Variants in IRAG2 observed in about 807,000 individuals in gnomAD.
IRAG2 encodes lymphoid restricted membrane protein.
Under a neutral mutation model 69.9 loss-of-function variants are expected in IRAG2, and 45 were observed. That is an observed-to-expected ratio of 0.64 (90% CI 0.51 to 0.83). The LOEUF is 0.83. Ranked by LOEUF, IRAG2 falls within the 40% of genes least tolerant of loss-of-function variation. The pLI is 0.00. For synonymous variants in IRAG2, 193 were observed against 202.4 expected (o/e 0.95, Z 0.40); for missense variants, 520 against 587.0 (o/e 0.89, Z 1.18).
chr12:25,092,536 G>A (rs1287280397), intron 14 of IRAG2, among the ~76,000 whole-genome samples: 6 of 139,454 alleles, frequency 4.3e-5, no homozygotes, highest in Non-Finnish European at 7.5e-5. Flanking sequence ...TTGCACTCCA[G>A]CCTGGGTGAC....
chr12:25,055,466 T>A (rs1202165429), intron 1 of IRAG2, among the ~76,000 whole-genome samples: 2 of 152,240 alleles, frequency 1.3e-5, no homozygotes, highest in Non-Finnish European at 2.9e-5. Flanking sequence ...AAAGGAAATT[T>A]TTTTTATTAT....
At chr12:25,026,666 T>C (rs1944624461) in intron 8 of IRAG2, 1 of 416,112 alleles carries the variant, frequency 2.4e-6, no homozygotes. Flanking sequence ...TGGCTGAGGT[T>C]GAATGGAAGA....
chr12:25,015,130 C>CA, intron 3 of IRAG2: 1 of 583,430 alleles, frequency 1.7e-6, no homozygotes, highest in East Asian at 7.1e-5. Flanking sequence ...CTTGGTCAGG[C>CA]AAAGAATCCT....
At chr12:25,056,145 G>A (rs949460981) in intron 1 of IRAG2, among the ~76,000 whole-genome samples, 2 of 152,180 alleles carry the variant, frequency 1.3e-5, no homozygotes, top group African/African-American at 4.8e-5. Context: ...TCTTAGCATG[G>A]AGGGCGGGAG....
intron 9 of IRAG2, among the ~76,000 whole-genome samples, chr12:25,027,646 G>C (rs541343573): frequency 6.6e-6 from 1 of 151,900 alleles, no homozygotes; most frequent in Non-Finnish European, 1.5e-5. Flanking sequence ...TGCCCACCTC[G>C]GCCTCCCAAA....
chr12:25,046,219 A>T (rs886633181), intron 16 of IRAG2, among the ~76,000 whole-genome samples: 22 of 152,280 alleles, frequency 1.4e-4, no homozygotes, highest in Non-Finnish European at 2.6e-4. Flanking sequence ...AATTATCTCA[A>T]CATAATAAAA....
Position 25,026,822 on chromosome 12 carries a change from G to T in IRAG2, c.1417G>T (p.Glu473Ter). Reference sequence around the variant, plus strand: ...GAACATCATGGATATAGACAGACTGGAAAAGAAGATTGAAGACTTGTCTAA... The same window carrying T: ...GAACATCATGGATATAGACAGACTGTAAAAGAAGATTGAAGACTTGTCTAA... Residue 473 changes from glutamate (E) to a stop codon, truncating the protein, a stop_gained, in exon 9 of 39, where the codon GAA becomes TAA. Coordinates refer to the IRAG2 transcript ENST00000636465. LOFTEE classifies it high-confidence loss of function. 1 of 1,229,608 alleles carries T rather than the reference G, an allele frequency of 8.1e-7. No homozygotes were observed. Among genetic ancestry groups the T allele is most frequent in the South Asian group, 4.1e-5 (1 of 24,254 alleles). 76.2% of individuals were successfully genotyped at this position (1,229,608 alleles called of 1,614,324 possible).
intron 1 of IRAG2, among the ~76,000 whole-genome samples, chr12:25,060,965 G>A (rs1945594111): frequency 6.6e-6 from 1 of 151,938 alleles, no homozygotes; most frequent in Non-Finnish European, 1.5e-5. Flanking sequence ...ACTGCACCAG[G>A]CCTAAGATGT....
chr12:25,078,825 C>T (rs1947000317), intron 6 of IRAG2, among the ~76,000 whole-genome samples: 1 of 152,158 alleles, frequency 6.6e-6, no homozygotes, highest in Non-Finnish European at 1.5e-5. Context: ...AGCTAGAAAA[C>T]TAAGAGCAAT....
rs180826222 is a variant in IRAG2 at position 25,063,089 on chromosome 12, T to C, written c.-304+189T>C. Among the ~76,000 whole-genome samples the C allele has an allele frequency of 4.1e-3, 628 of 152,298 alleles. 2 individuals carry two copies. The highest frequency in any genetic ancestry group is 0.014 in the African/African-American group (602 of 41,572). On this transcript the variant is annotated intron_variant, in intron 3 of 21. Coordinates refer to ENST00000556887, the MANE Select transcript of IRAG2 (RefSeq NM_001366544.2). ...TACACATACACACACACAAACCTAG[T>C]TGGTCCTTTGTCGCCCAGGCTGGAG...
At chr12:25,060,579 G>A (rs1224100978) in intron 1 of IRAG2, among the ~76,000 whole-genome samples, 2 of 151,074 alleles carry the variant, frequency 1.3e-5, no homozygotes, top group African/African-American at 4.9e-5. Context: ...TCCTAGGGCT[G>A]TAATTTGAGG....
At chr12:24,998,641 G>A in the IRAG2 span, among the ~76,000 whole-genome samples, 1 of 152,004 alleles carries the variant, frequency 6.6e-6, no homozygotes, top group Admixed American at 6.6e-5. Context: ...CATTAGTGAA[G>A]GGTTGTTTTG....
exon 1 of IRAG2, chr12:25,004,623 A>C: frequency 8.1e-7 from 1 of 1,232,112 alleles, no homozygotes; most frequent in Non-Finnish European, 1.0e-6. Context: ...TAATATCTCC[A>C]AGAACCCCAT....
At position 25,107,951 on chromosome 12, in the gene IRAG2, A is replaced by T; in HGVS notation, c.1391A>T (p.Gln464Leu). ...AGCTTCCTCACAGGCCAATTATTCC[A>T]GAAGTCTGTGGATGCCGCTCCCACA... is the stretch of plus-strand genomic sequence containing the variant. ...LMSFLTGQLF[Q>L]KSVDAAPTQQ... The change falls in exon 22 of 22, where the codon CAG becomes CTG. Residue 464 changes from glutamine to leucine, a missense_variant. Transcript: ENST00000556887. 6.2e-7 allele frequency: 1 copy of T among 1,614,182 alleles called. No individual in the cohort carries two copies. The highest frequency in any genetic ancestry group is 8.5e-7 in the Non-Finnish European group (1 of 1,180,028).
At position 25,078,297 on chromosome 12, in the gene IRAG2, C is replaced by T. The variant is rs569748412; in HGVS notation, c.25-947C>T. Among the ~76,000 whole-genome samples the T allele has an allele frequency of 3.3e-5, 5 of 152,260 alleles. No individual in the cohort carries two copies. The South Asian group carries it at 8.3e-4, about 25-fold the overall frequency. On this transcript the variant is annotated intron_variant, in intron 6 of 21. Transcript: ENST00000556887. ...ACAAATTCAGCAAACCCTTAGTAAA[C>T]CTGTACTTTACTTGTCTGTGACTAT...
At chr12:25,015,775 TA>T (rs1188128350) in intron 5 of IRAG2, among the ~76,000 whole-genome samples, 9 of 152,248 alleles carry the variant, frequency 5.9e-5, no homozygotes, top group Admixed American at 3.9e-4. Flanking sequence ...AGCACTTCTT[TA>T]GTAGAATCTT....
rs1237838194 is a variant in IRAG2, at chr12:25,015,339, A to G, written c.977-11A>G. On this transcript the variant is annotated splice_polypyrimidine_tract_variant and intron_variant, in intron 4 of 38. Coordinates refer to the IRAG2 transcript ENST00000636465. ...TGATTTTTTTTCATAAAACTCTTGT[A>G]TGTGTTTCAGTGAAGATGAGCACAG... The G allele has an allele frequency of 4.1e-6, 5 of 1,231,710 alleles. No individual in the cohort carries two copies. The African/African-American group carries it at 6.2e-5, about 15-fold the overall frequency. 76.3% of individuals were successfully genotyped at this position (1,231,710 alleles called of 1,614,324 possible).
rs778170636 is a variant in IRAG2, at chr12:25,107,994, G to GACGTTCTAGA, written c.1438_1439insTCTAGAACGT (p.Ser480PhefsTer2). 1.4e-4 allele frequency: 231 copies of GACGTTCTAGA among 1,614,046 alleles called. No homozygotes were observed. The highest frequency in any genetic ancestry group is 1.9e-4 in the Non-Finnish European group (222 of 1,180,042). Reference sequence around the variant, plus strand: ...CTCCCACACAGCAAGAGGACTCATGGACGTCTCTAGAACATATCTTGTGGC... The same window carrying GACGTTCTAGA: ...CTCCCACACAGCAAGAGGACTCATGGACGTTCTAGAACGTCTCTAGAACATATCTTGTGGC... On this transcript the variant is annotated stop_gained and frameshift_variant, in exon 22 of 22. Transcript: ENST00000556887. LOFTEE classifies it high-confidence loss of function.
upstream of IRAG2, among the ~76,000 whole-genome samples, chr12:25,050,567 A>T (rs1188820366): frequency 6.8e-6 from 1 of 146,446 alleles, no homozygotes; most frequent in African/African-American, 2.5e-5. Context: ...AAAAACAGTT[A>T]CAGAGTTTTC....
Sources: allele counts gnomAD v4.1 joint callset (sites outside exome capture counted in the v4.1 genomes callset), GRCh38; gene constraint gnomAD v4.1.1; transcripts MANE v1.5; gene names NCBI Gene and HGNC (gene_info 2026-07-23, HGNC 2026-07-21).